CSTF3: variants seen among roughly 807,000 people sequenced by gnomAD.
The protein encoded by CSTF3 is cleavage stimulation factor subunit 3.
Under a neutral mutation model 105.8 loss-of-function variants are expected in CSTF3, and 29 were observed. That is an observed-to-expected ratio of 0.27 (90% confidence interval 0.20 to 0.37). The LOEUF is 0.37. CSTF3 is among the 10% of genes least tolerant of loss of function. CSTF3 has a pLI of 1.00. For synonymous variants in CSTF3, 252 were observed against 281.9 expected, an observed-to-expected ratio of 0.89 and a Z score of 1.06; for missense variants, 357 against 879.3, an observed-to-expected ratio of 0.41 and a Z score of 7.51.
Position 33,106,213 on chromosome 11 carries a change from C to T in CSTF3, c.357-149G>A, listed in dbSNP as rs544230976. On this transcript the variant is annotated intron_variant, in intron 5 of 20. Coordinates refer to ENST00000323959, the MANE Select transcript of CSTF3 (RefSeq NM_001326.3). Reference sequence around the variant, plus strand: ...TCACTTGAGACCAGGAATTCAAGACCTGCCTGTGCAACATAGCAAAACCCA... The same window carrying T: ...TCACTTGAGACCAGGAATTCAAGACTTGCCTGTGCAACATAGCAAAACCCA... 1.3e-3 allele frequency: 772 copies of T among 606,150 alleles called. 1 individual carries two copies. The highest frequency in any genetic ancestry group is 1.9e-3 in the Non-Finnish European group (666 of 346,622). 37.5% of individuals were successfully genotyped at this position (606,150 alleles called of 1,614,324 possible).
At chr11:33,148,860 G>GCT (rs1855819950) in intron 1 of CSTF3, among the ~76,000 whole-genome samples, 1 of 133,686 alleles carries the variant, frequency 7.5e-6, no homozygotes, top group East Asian at 2.2e-4. Context: ...CTGTTGCTGT[G>GCT]TTTTTTTTTT....
chr11:33,097,700 T>C (rs1855239361), intron 13 of CSTF3, among the ~76,000 whole-genome samples: 1 of 152,162 alleles, frequency 6.6e-6, no homozygotes, highest in South Asian at 2.1e-4. Context: ...TTTTCTTGGT[T>C]TCTTTTTAAA....
Position 33,107,982 on chromosome 11 carries a change from T to TA in CSTF3, c.276dup (p.Met93TyrfsTer7). Reference sequence around the variant, plus strand: ...CATAAATCAATGTGCAAAACCTTCATAAGGCATCTCTGAAATAGCTTTAAA... The same window carrying TA: ...CATAAATCAATGTGCAAAACCTTCATAAAGGCATCTCTGAAATAGCTTTAAA... On this transcript the variant is annotated frameshift_variant, in exon 5 of 21. Coordinates refer to ENST00000323959, the MANE Select transcript of CSTF3 (RefSeq NM_001326.3). LOFTEE classifies it high-confidence loss of function. The TA allele has an allele frequency of 6.2e-7, 1 of 1,606,976 alleles. No homozygotes were observed. Among genetic ancestry groups the TA allele is most frequent in the Non-Finnish European group, 8.5e-7 (1 of 1,175,990 alleles).
In CSTF3 at chr11:33,092,286, G is replaced by C. The variant is rs1230808210; in HGVS notation, c.1430C>G (p.Pro477Arg). The C allele has an allele frequency of 6.3e-7, 1 of 1,599,942 alleles. No homozygotes were observed. Among genetic ancestry groups the C allele is most frequent in the Non-Finnish European group, 8.5e-7 (1 of 1,174,716 alleles). Reference sequence around the variant, plus strand: ...AATGGCTTACCCAGACTTCTCAGGAGGAAGGCTTCCAGATGTTAAAACTCG... The same window carrying C: ...AATGGCTTACCCAGACTTCTCAGGACGAAGGCTTCCAGATGTTAAAACTCG... ...FERVLTSGSL[P>R]PEKSGEIWAR... Residue 477 changes from proline (P) to arginine (R), a missense_variant, in exon 16 of 21, where the codon CCT becomes CGT. By Grantham distance (103) the Pro-to-Arg change is moderately radical (BLOSUM62 -2). Transcript: ENST00000323959.
intron 1 of CSTF3, chr11:33,156,848 T>A: frequency 2.8e-6 from 1 of 352,086 alleles, no homozygotes. Flanking sequence ...GCAAACTTAA[T>A]CCATTCATTT....
Position 33,106,005 on chromosome 11 carries a change from G to A in CSTF3, c.416C>T (p.Ser139Phe), listed in dbSNP as rs1225487009. ...AAAAAGTTTTAACTCTACCTGATAG[G>A]ACATAATTTCCATTCCAATTTTATC... The part of the protein sequence containing the change: ...ALDKIGMEIM[S>F]YQIWVDYINF... Residue 139 changes from serine (S) to phenylalanine (F), a missense_variant, in exon 6 of 21, where the codon TCC (serine) becomes TTC (phenylalanine). Physicochemically the swap from Ser to Phe is radical, Grantham distance 155 (BLOSUM62 -2). Transcript: ENST00000323959. 1 of 1,609,360 alleles carries A rather than the reference G, an allele frequency of 6.2e-7. No homozygotes were observed. The highest frequency in any genetic ancestry group is 8.5e-7 in the Non-Finnish European group (1 of 1,176,048).
At chr11:33,159,371 G>A (rs1849907278) in intron 1 of CSTF3, among the ~76,000 whole-genome samples, 1 of 151,978 alleles carries the variant, frequency 6.6e-6, no homozygotes, top group Non-Finnish European at 1.5e-5. Context: ...AGAGGTAGGC[G>A]GATCACTTGA....
Position 33,096,893 on chromosome 11 carries a change from G to T in CSTF3, c.1214C>A (p.Thr405Asn), listed in dbSNP as rs1169750503. Reference protein sequence around the residue: ...RMIFKKAREDTRTRHHVYVTA... With the variant: ...RMIFKKAREDNRTRHHVYVTA... ...AACATAGACATGGTGGCGGGTTCTG[G>T]TATCTTCTCTTGCTTTTTTAAATAT... Residue 405 changes from threonine (T) to asparagine (N), a missense_variant, in exon 14 of 21, where the codon ACC becomes AAC. Physicochemically the swap from Thr to Asn is moderately conservative, Grantham distance 65 (BLOSUM62 0). This residue lies in a region of CSTF3 where 206 missense variants were observed against 576.5 expected (regional missense o/e 0.36). Transcript: ENST00000323959. 3.1e-6 allele frequency: 5 copies of T among 1,613,490 alleles called. No homozygotes were observed. Among genetic ancestry groups the T allele is most frequent in the Non-Finnish European group, 4.2e-6 (5 of 1,179,636 alleles).
At chr11:33,153,651 A>C (rs749546352) in intron 1 of CSTF3, among the ~76,000 whole-genome samples, 14 of 151,432 alleles carry the variant, frequency 9.2e-5, no homozygotes, top group Non-Finnish European at 2.1e-4. Context: ...AAAAAATAGT[A>C]ATAATAACAA....
chr11:33,120,711 T>G (rs371427158), intron 3 of CSTF3, among the ~76,000 whole-genome samples: 1 of 151,928 alleles, frequency 6.6e-6, no homozygotes, highest in Non-Finnish European at 1.5e-5. Flanking sequence ...GCCTAACATA[T>G]AGCAGACATT....
rs1416423173 is a variant in CSTF3 at position 33,098,776 on chromosome 11, C to T, written c.1054-12G>A. 5 of 1,498,010 alleles carry T rather than the reference C, an allele frequency of 3.3e-6. No individual in the cohort carries two copies. In the East Asian group the frequency reaches 1.2e-4, roughly 36 times the overall value. The allele number at this position is 1,498,010 out of a possible 1,614,324, so 92.8% of individuals were successfully genotyped here. A position where few individuals can be genotyped will look rare whatever the true frequency, so the allele number is the denominator to read the frequency against. On this transcript the variant is annotated splice_polypyrimidine_tract_variant and intron_variant, in intron 12 of 20. Coordinates refer to ENST00000323959, the MANE Select transcript of CSTF3 (RefSeq NM_001326.3). ...TACTTCATGCGACTCTAAGGTGGTA[C>T]AGAAGAAGTGAGTATCAACATATGG... is the stretch of plus-strand genomic sequence containing the variant.
At chr11:33,115,746 T>C (rs1488003030) in intron 3 of CSTF3, among the ~76,000 whole-genome samples, 2 of 152,146 alleles carry the variant, frequency 1.3e-5, no homozygotes, top group African/African-American at 2.4e-5. Context: ...CTATGATAAA[T>C]TGTATTGTTT....
Position 33,141,777 on chromosome 11 carries a change from C to G in CSTF3, c.130-15G>C. 6.3e-7 allele frequency: 1 copy of G among 1,583,868 alleles called. No individual in the cohort carries two copies. The highest frequency in any genetic ancestry group is 1.2e-5 in the South Asian group (1 of 85,446). Reference sequence around the variant, plus strand: ...ATAGGTTGATTCTAAAATTGAAAACCAATAAACAGCATTTACAATGTTAGG... The same window carrying G: ...ATAGGTTGATTCTAAAATTGAAAACGAATAAACAGCATTTACAATGTTAGG... On this transcript the variant is annotated splice_polypyrimidine_tract_variant and intron_variant, in intron 2 of 20. Transcript: ENST00000323959.
At position 33,161,307 on chromosome 11, in the gene CSTF3, T is replaced by C; in HGVS notation, c.19A>G (p.Thr7Ala). ...CCACTCTCCTTCCTCACCTGCTCCGTGGCTCCGTCTCCTGACATGGCCTCA... is the reference window on the plus strand; with the variant it reads ...CCACTCTCCTTCCTCACCTGCTCCGCGGCTCCGTCTCCTGACATGGCCTCA... MSGDGA[T>A]EQAAEYVPEK... is the part of the protein sequence containing the mutation. The change falls in exon 1 of 21, where the codon ACG becomes GCG. Residue 7 changes from threonine (T) to alanine (A), a missense_variant. Physicochemically the swap from Thr to Ala is moderately conservative, Grantham distance 58. Transcript: ENST00000323959. The C allele has an allele frequency of 1.9e-6, 3 of 1,613,332 alleles. No homozygotes were observed. The highest frequency in any genetic ancestry group is 2.5e-6 in the Non-Finnish European group (3 of 1,180,022).
chr11:33,131,034 AG>A (rs1380563065), intron 3 of CSTF3, among the ~76,000 whole-genome samples: 4 of 152,232 alleles, frequency 2.6e-5, no homozygotes, highest in Non-Finnish European at 5.9e-5. Context: ...TGTCTCAAAA[AG>A]GTAAGAAAAT....
chr11:33,108,795 G>A (rs1393201001), intron 3 of CSTF3, among the ~76,000 whole-genome samples: 1 of 152,102 alleles, frequency 6.6e-6, no homozygotes, highest in African/African-American at 2.4e-5. Context: ...AATCTGAGCG[G>A]CAAAAAAGAT....
chr11:33,086,040 CAG>C (rs1386640586), intron 18 of CSTF3, 51 bp from the exon 19 acceptor site: 4 of 1,174,842 alleles, frequency 3.4e-6, no homozygotes, highest in African/African-American at 3.1e-5. Flanking sequence ...AATTTCTACA[CAG>C]AGCTAAAATC....
At chr11:33,131,983 G>A (rs890855610) in intron 3 of CSTF3, among the ~76,000 whole-genome samples, 2 of 152,086 alleles carry the variant, frequency 1.3e-5, no homozygotes, top group Non-Finnish European at 2.9e-5. Context: ...CATTTATTGA[G>A]CCTATGTAGA....
intron 8 of CSTF3, among the ~76,000 whole-genome samples, chr11:33,103,999 A>T (rs1231628036): frequency 2.6e-5 from 4 of 151,936 alleles, no homozygotes; most frequent in Admixed American, 1.3e-4. Flanking sequence ...AATTAAAAAA[A>T]TTTTTTTTGT....
Sources: gnomAD v4.1 joint callset for allele counts (sites outside exome capture counted in the v4.1 genomes callset) on GRCh38, gnomAD v4.1.1 for gene constraint, gnomAD v4.1.1 regional missense constraint, MANE v1.5 for transcripts, NCBI Gene and HGNC (gene_info 2026-07-23, HGNC 2026-07-21) for gene names.